The following TNS1 variants were observed in gnomAD, a reference collection of about 807,000 sequenced individuals.
The protein encoded by TNS1 is tensin-1.
In TNS1, 62 loss-of-function variants were observed where a neutral mutation model predicts 168.6. That is an observed-to-expected ratio of 0.37 (90% confidence interval 0.30 to 0.45). The LOEUF (loss-of-function observed/expected upper bound fraction) is 0.45, where lower values mean the gene tolerates loss of function less well. Among genes scored for constraint, TNS1 ranks in the 20% least tolerant of loss-of-function variants. The pLI, the probability that TNS1 is intolerant of heterozygous loss-of-function variation, is 1.00. For missense variants in TNS1, 2,240 were observed against 2,339.4 expected (o/e 0.96, Z 0.88); for synonymous variants, 934 against 933.2 (o/e 1.00, Z -0.02).
intron 18 of TNS1, chr2:217,850,050 A>T: frequency 1.0e-6 from 1 of 985,028 alleles, no homozygotes; most frequent in African/African-American, 1.7e-5. Flanking sequence ...AGCACTGCCC[A>T]CTCCTGATGG....
chr2:217,806,558 GT>G (rs909811193), intron 32 of TNS1, among the ~76,000 whole-genome samples: 5 of 152,204 alleles, frequency 3.3e-5, no homozygotes, highest in African/African-American at 1.2e-4. Flanking sequence ...GGGCCCTGTG[GT>G]GAGTGAGCAC....
At chr2:217,820,653 C>T (rs949048704) in intron 23 of TNS1, among the ~76,000 whole-genome samples, 1 of 152,064 alleles carries the variant, frequency 6.6e-6, no homozygotes, top group African/African-American at 2.4e-5. Flanking sequence ...CTCCTGGGGG[C>T]GACACCTCCT....
intron 4 of TNS1, among the ~76,000 whole-genome samples, chr2:217,917,134 A>T (rs969022257): frequency 2.6e-5 from 4 of 152,180 alleles, no homozygotes; most frequent in African/African-American, 7.2e-5. Context: ...GGACAGTAGC[A>T]GAGCTTCCAG....
In TNS1 at chr2:217,910,073, C is replaced by G. The variant is rs551327791; in HGVS notation, c.229-2822G>C. On this transcript the variant is annotated intron_variant, in intron 4 of 32. Transcript: ENST00000682258. The stretch of plus-strand genomic sequence containing the variant: ...GCCCTCTCCAGCCCACCCTGCCTCA[C>G]TGTGACCCTCTTGCCCCAACCCTCC... Among the ~76,000 whole-genome samples the G allele has an allele frequency of 5.9e-5, 9 of 152,336 alleles. No individual in the cohort carries two copies. The East Asian group carries it at 1.7e-3, about 29-fold the overall frequency.
At chr2:217,818,833 C>T in intron 23 of TNS1, 74 bp from the exon 24 acceptor site, 2 of 1,258,692 alleles carry the variant, frequency 1.6e-6, no homozygotes, top group Non-Finnish European at 2.2e-6. Flanking sequence ...AGGCTGTCTG[C>T]CCTCCCTCCA....
intron 4 of TNS1, among the ~76,000 whole-genome samples, chr2:217,912,884 A>G (rs1343298430): frequency 2.0e-5 from 3 of 152,206 alleles, no homozygotes; most frequent in Non-Finnish European, 4.4e-5. Context: ...CTCCCAAGGC[A>G]TCACCTCCCT....
chr2:217,874,428 TA>T (rs1451649153), intron 18 of TNS1, among the ~76,000 whole-genome samples: 2 of 152,204 alleles, frequency 1.3e-5, no homozygotes, highest in African/African-American at 4.8e-5. Context: ...TCAACATTGT[TA>T]GGGCTTTGGA....
At chr2:218,010,186 G>A in exon 1 of TNS1, 1 of 399,088 alleles carries the variant, frequency 2.5e-6, no homozygotes, top group Non-Finnish European at 4.4e-6. Flanking sequence ...CACCAACTCA[G>A]CCGAGTCATG....
intron 16 of TNS1, among the ~76,000 whole-genome samples, chr2:217,883,475 G>A (rs1202464966): frequency 1.3e-5 from 2 of 152,006 alleles, no homozygotes; most frequent in African/African-American, 4.8e-5. Flanking sequence ...ATATTTACCA[G>A]GCTAGTCTTA....
chr2:217,809,776 G>C (rs759167524), intron 30 of TNS1, 47 bp downstream of exon 30: 1 of 1,577,806 alleles, frequency 6.3e-7, no homozygotes, highest in Non-Finnish European at 8.7e-7. Flanking sequence ...GAATAGATGA[G>C]TCACAGGAAG....
intron 18 of TNS1, among the ~76,000 whole-genome samples, chr2:217,871,863 C>G (rs959600296): frequency 6.6e-6 from 1 of 152,266 alleles, no homozygotes; most frequent in African/African-American, 2.4e-5. Context: ...CTCGGCCTCC[C>G]TCTCTGTGAG....
At chr2:217,809,557 A>G (rs13389001) in intron 30 of TNS1, among the ~76,000 whole-genome samples, 1 of 77,410 alleles carries the variant, frequency 1.3e-5, no homozygotes, top group Non-Finnish European at 2.5e-5. Context: ...GGATGGATGG[A>G]TGGATGGATG....
In TNS1 at chr2:217,813,557, C is replaced by T. The variant is rs956119077; in HGVS notation, c.4861+128G>A. The stretch of plus-strand genomic sequence containing the variant: ...ACCTCAACCATCACCAAGCCCAAGA[C>T]ACCCTCTTCCGAAGAGCCTGATGGG... On this transcript the variant is annotated intron_variant, in intron 26 of 32. Coordinates refer to ENST00000682258, the MANE Select transcript of TNS1 (RefSeq NM_001387777.1). This position sits in a 1 kb window ranked among gnomAD's most constrained non-coding sequence, Gnocchi z 4.0. The T allele has an allele frequency of 8.0e-6, 11 of 1,378,848 alleles. No homozygotes were observed. Among genetic ancestry groups the T allele is most frequent in the Non-Finnish European group, 1.1e-5 (11 of 1,015,844 alleles). The allele number at this position is 1,378,848 out of a possible 1,614,324, so 85.4% of individuals were successfully genotyped here.
At chr2:218,017,692 T>C (rs1958773539) in intron 1 of TNS1, among the ~76,000 whole-genome samples, 1 of 152,240 alleles carries the variant, frequency 6.6e-6, no homozygotes, top group Non-Finnish European at 1.5e-5. Context: ...TGCTTCTTCT[T>C]CTGTAAAATG....
chr2:217,874,208 A>G (rs1950022914), intron 18 of TNS1, among the ~76,000 whole-genome samples: 1 of 152,210 alleles, frequency 6.6e-6, no homozygotes, highest in Non-Finnish European at 1.5e-5. Context: ...AAGGGGAAAC[A>G]GGGTAGACTT....
intron 18 of TNS1, among the ~76,000 whole-genome samples, chr2:217,854,975 G>T (rs1947953075): frequency 6.6e-6 from 1 of 152,366 alleles, no homozygotes; most frequent in Middle Eastern, 3.4e-3. Flanking sequence ...CTGCAGGCCT[G>T]TCAGGTGAGG....
chr2:217,981,407 T>G (rs1958045208), intron 2 of TNS1, among the ~76,000 whole-genome samples: 1 of 152,198 alleles, frequency 6.6e-6, no homozygotes, highest in Non-Finnish European at 1.5e-5. Flanking sequence ...TGTCACACAG[T>G]GGGCACACAC....
intron 19 of TNS1, among the ~76,000 whole-genome samples, chr2:217,845,787 G>T (rs1169206063): frequency 6.6e-6 from 1 of 152,202 alleles, no homozygotes; most frequent in East Asian, 1.9e-4. Context: ...GGCCATTAGG[G>T]TTATGGCCTC....
At chr2:218,000,231 A>G in intron 1 of TNS1, among the ~76,000 whole-genome samples, 1 of 152,256 alleles carries the variant, frequency 6.6e-6, no homozygotes, top group East Asian at 1.9e-4. Context: ...CACTACAGAT[A>G]TATTACTTCT....
Sources: gnomAD v4.1 joint callset for allele counts (sites outside exome capture counted in the v4.1 genomes callset) on GRCh38, gnomAD v4.1.1 for gene constraint, Gnocchi (gnomAD v3.1) non-coding constraint, MANE v1.5 for transcripts, NCBI Gene and HGNC (gene_info 2026-07-23, HGNC 2026-07-21) for gene names.